MYRF: variants seen among roughly 807,000 people sequenced by gnomAD.
The protein encoded by MYRF is myelin gene regulatory factor.
A neutral mutation model predicts 126.3 loss-of-function variants in MYRF; 16 were observed. That is an observed-to-expected ratio of 0.13 (90% CI 0.09 to 0.19). The LOEUF (loss-of-function observed/expected upper bound fraction) is 0.19, where lower values mean the gene tolerates loss of function less well. Among genes scored for constraint, MYRF ranks in the 10% least tolerant of loss-of-function variants. The pLI, the probability that MYRF is intolerant of heterozygous loss-of-function variation, is 1.00. For missense variants in MYRF, 1,104 were observed against 1,547.0 expected (o/e 0.71, Z 4.80); for synonymous variants, 608 against 635.3 (o/e 0.96, Z 0.65).
chr11:61,779,166 G>T (rs773500515), intron 14 of MYRF, 97 bp from the exon 15 acceptor site: 281 of 1,342,262 alleles, frequency 2.1e-4, no homozygotes, highest in Non-Finnish European at 2.7e-4. Context: ...GACAGTGGCC[G>T]CCCCTCCTGC....
chr11:61,773,872 G>A (rs2066294852), intron 7 of MYRF, 95 bp from the exon 8 acceptor site: 4 of 1,039,144 alleles, frequency 3.8e-6, no homozygotes, highest in Non-Finnish European at 5.5e-6. Flanking sequence ...GGGGTGTGGT[G>A]TGGGAAATGG....
chr11:61,776,532 C>T lies in MYRF; in HGVS notation c.1499+100C>T, dbSNP rs958753188. On this transcript the variant is annotated intron_variant, in intron 10 of 26. Transcript: ENST00000278836. This position sits in a 1 kb window ranked among gnomAD's most constrained non-coding sequence, Gnocchi z 4.3. ...AGGCACAGAGTCCTACAGGCTGAGC[C>T]ATTTCACAGATGAGAGACCTGAGAT... is the stretch of plus-strand genomic sequence containing the variant. 4 of 981,862 alleles carry T rather than the reference C, an allele frequency of 4.1e-6. No homozygotes were observed. Among genetic ancestry groups the T allele is most frequent in the African/African-American group, 1.6e-5 (1 of 61,508 alleles). 60.8% of individuals were successfully genotyped at this position (981,862 alleles called of 1,614,324 possible).
At chr11:61,781,364 G>T (rs776447791) in intron 21 of MYRF, 35 bp downstream of exon 21, 6 of 1,608,332 alleles carry the variant, frequency 3.7e-6, no homozygotes, top group Non-Finnish European at 5.1e-6. Context: ...TTGGGGCGGG[G>T]GCTACCTGCG....
At chr11:61,766,824 C>A in intron 3 of MYRF, 1 of 349,246 alleles carries the variant, frequency 2.9e-6, no homozygotes. Flanking sequence ...GCTCCCGGGG[C>A]ACATGCTCAC....
At chr11:61,759,557 C>A (rs1016445223) in intron 1 of MYRF, among the ~76,000 whole-genome samples, 2 of 152,170 alleles carry the variant, frequency 1.3e-5, no homozygotes, top group South Asian at 2.1e-4. Flanking sequence ...GTAGTCCCAG[C>A]TCCTTGGGAG....
chr11:61,758,265 A>T (rs1189676297), intron 1 of MYRF, among the ~76,000 whole-genome samples: 1 of 152,198 alleles, frequency 6.6e-6, no homozygotes, highest in African/African-American at 2.4e-5. Context: ...ACCGGAGTGC[A>T]CAACCACAGC....
chr11:61,784,620 A>G, intron 25 of MYRF: 2 of 529,482 alleles, frequency 3.8e-6, no homozygotes, highest in South Asian at 4.3e-5. Context: ...AGACGTGGGG[A>G]AGACAGCAGA....
Position 61,780,263 on chromosome 11 carries a change from C to A in MYRF, c.2378C>A (p.Thr793Lys). The change falls in exon 18 of 27, where the codon ACA (threonine) becomes AAA (lysine). Residue 793 changes from threonine (T) to lysine (K), a missense_variant. Around this residue, in one of 10 missense-constraint regions of MYRF, gnomAD observed 323 missense variants for 383.1 expected, o/e 0.84. Coordinates refer to ENST00000278836, the MANE Select transcript of MYRF (RefSeq NM_001127392.3). ...ACACTGTACGTGCTGAGCCTGCGCA[C>A]AGAGGAGGACCTGGTAGACACTGAT... ...MSTLYVLSLR[T>K]EEDLVDTDGS... 6.2e-7 allele frequency: 1 copy of A among 1,613,852 alleles called. No homozygotes were observed.
chr11:61,772,711 C>G (rs1306092625), intron 7 of MYRF, among the ~76,000 whole-genome samples: 1 of 152,248 alleles, frequency 6.6e-6, no homozygotes, highest in Non-Finnish European at 1.5e-5. Context: ...TTTGGGCCAC[C>G]CTTGCCACCC....
chr11:61,756,023 G>A (rs954993145), intron 1 of MYRF, among the ~76,000 whole-genome samples: 5 of 152,212 alleles, frequency 3.3e-5, no homozygotes, highest in Admixed American at 2.6e-4. Context: ...CCCAGGGTAA[G>A]TAAGTGGGTT....
chr11:61,771,814 G>A lies in MYRF; in HGVS notation c.992-15G>A, dbSNP rs752668442. On this transcript the variant is annotated splice_polypyrimidine_tract_variant and intron_variant, in intron 6 of 26. Coordinates refer to ENST00000278836, the MANE Select transcript of MYRF (RefSeq NM_001127392.3). ...CCCAAGGTGCAGGGCCCACATGGGC[G>A]TTCCCTCCCTCCAGGCCTCCTGCAG... is the stretch of plus-strand genomic sequence containing the variant. 18 of 1,613,904 alleles carry A rather than the reference G, an allele frequency of 1.1e-5. No individual in the cohort carries two copies. In the East Asian group the frequency reaches 1.8e-4, roughly 16 times the overall value.
intron 3 of MYRF, chr11:61,766,927 C>G (rs186718408): frequency 6.8e-6 from 3 of 443,634 alleles, no homozygotes; most frequent in African/African-American, 4.0e-5. Flanking sequence ...ACACTAGGTG[C>G]ATGAACTCTG....
At position 61,778,913 on chromosome 11, in the gene MYRF, A is replaced by G. The variant is rs1275847947; in HGVS notation, c.2014-350A>G. On this transcript the variant is annotated intron_variant, in intron 14 of 26. Transcript: ENST00000278836. The surrounding 1 kb of genome is among the most constrained non-coding windows in gnomAD (Gnocchi z 4.6). Reference sequence around the variant, plus strand: ...AGGTCTCCACCCCAGCTGAATAGTGAAGTGCTGACATCTGAGACACCAGTC... The same window carrying G: ...AGGTCTCCACCCCAGCTGAATAGTGGAGTGCTGACATCTGAGACACCAGTC... 5.2e-6 allele frequency: 3 copies of G among 574,386 alleles called. No individual in the cohort carries two copies. Among genetic ancestry groups the G allele is most frequent in the South Asian group, 4.6e-5 (3 of 65,646 alleles). The allele number at this position is 574,386 out of a possible 1,614,324, so 35.6% of individuals were successfully genotyped here. A position where few individuals can be genotyped will look rare whatever the true frequency, so the allele number is the denominator to read the frequency against.
rs137932499 is a variant in MYRF, at chr11:61,786,287, G to A, written c.*144G>A. ...CTACCCGAGACTGGTGAAACTGGAAGTCTTCACACTGGAGTTGCTGTTCCA... is the reference window on the plus strand; with the variant it reads ...CTACCCGAGACTGGTGAAACTGGAAATCTTCACACTGGAGTTGCTGTTCCA... On this transcript the variant is annotated 3_prime_UTR_variant, in exon 27 of 27. Transcript: ENST00000278836. The surrounding 1 kb of genome is among the most constrained non-coding windows in gnomAD (Gnocchi z 4.5). 3.3e-5 allele frequency: 25 copies of A among 768,900 alleles called. No homozygotes were observed. The African/African-American group carries it at 3.5e-4, about 11-fold the overall frequency. The allele number at this position is 768,900 out of a possible 1,614,324, so 47.6% of individuals were successfully genotyped here.
chr11:61,762,548 G>T (rs1427589232), intron 1 of MYRF, among the ~76,000 whole-genome samples: 1 of 152,192 alleles, frequency 6.6e-6, no homozygotes, highest in South Asian at 2.1e-4. Context: ...GGGAGCAGTG[G>T]GGAGGGGCGC....
At position 61,781,207 on chromosome 11, in the gene MYRF, C is replaced by T. The variant is rs1330496740; in HGVS notation, c.2642C>T (p.Pro881Leu). 1 of 1,614,108 alleles carries T rather than the reference C, an allele frequency of 6.2e-7. No individual in the cohort carries two copies. The highest frequency in any genetic ancestry group is 1.3e-5 in the African/African-American group (1 of 75,066). Residue 881 changes from proline to leucine, a missense_variant, in exon 21 of 27, where the codon CCC becomes CTC. Transcript: ENST00000278836. Reference sequence around the variant, plus strand: ...ACCTTGGACATGTGTTCCAGCCACCCCTGCCCTGTCATCTGCTGTTCCTCA... The same window carrying T: ...ACCTTGGACATGTGTTCCAGCCACCTCTGCCCTGTCATCTGCTGTTCCTCA... ...VRTLDMCSSH[P>L]CPVICCSSPT...
Position 61,779,608 on chromosome 11 carries a change from G to C in MYRF, c.2247+38G>C, listed in dbSNP as rs1476698691. Reference sequence around the variant, plus strand: ...AGGGATGGCAGGCGGGTTGGAAAGGGGGCCTCCCTTGTGGCCTCCCTTTCT... The same window carrying C: ...AGGGATGGCAGGCGGGTTGGAAAGGCGGCCTCCCTTGTGGCCTCCCTTTCT... On this transcript the variant is annotated intron_variant, in intron 16 of 26. Transcript: ENST00000278836. 17 of 1,460,248 alleles carry C rather than the reference G, an allele frequency of 1.2e-5. No individual in the cohort carries two copies. In the East Asian group the frequency reaches 1.2e-4, roughly 10 times the overall value. The allele number at this position is 1,460,248 out of a possible 1,614,324, so 90.5% of individuals were successfully genotyped here.
chr11:61,758,551 C>T (rs943090918), intron 1 of MYRF, among the ~76,000 whole-genome samples: 3 of 152,192 alleles, frequency 2.0e-5, no homozygotes, highest in African/African-American at 7.2e-5. Context: ...CTAACCCATG[C>T]ATGTGACGCT....
chr11:61,773,419 C>A (rs567705235), intron 7 of MYRF, among the ~76,000 whole-genome samples: 1 of 152,292 alleles, frequency 6.6e-6, no homozygotes, highest in South Asian at 2.1e-4. Context: ...CCTCCCCGGG[C>A]AGACGGAGGG....
Sources: allele counts gnomAD v4.1 joint callset (sites outside exome capture counted in the v4.1 genomes callset), GRCh38; gene constraint gnomAD v4.1.1; regional missense constraint gnomAD v4.1.1; non-coding constraint Gnocchi (gnomAD v3.1); transcripts MANE v1.5; gene names NCBI Gene and HGNC (gene_info 2026-07-23, HGNC 2026-07-21).